ANKS1A: variants seen among roughly 807,000 people sequenced by gnomAD.
The protein encoded by ANKS1A is ankyrin repeat and sterile alpha motif domain containing 1A, also known as ankyrin repeat and SAM domain-containing protein 1A.
ANKS1A carries 55 observed loss-of-function variants against 120.3 expected under a neutral mutation model. The observed-to-expected ratio is 0.46, with a 90% CI of 0.37 to 0.57. The LOEUF (loss-of-function observed/expected upper bound fraction) is 0.57. ANKS1A is among the 20% of genes least tolerant of loss of function. The pLI, the probability that ANKS1A is intolerant of heterozygous loss-of-function variation, is 0.00. For synonymous variants in ANKS1A, 590 were observed against 604.7 expected (o/e 0.98, Z 0.36); for missense variants, 1,123 against 1,480.3 (o/e 0.76, Z 3.96).
intron 11 of ANKS1A, among the ~76,000 whole-genome samples, chr6:35,030,100 G>A (rs906347567): frequency 1.3e-5 from 2 of 152,220 alleles, no homozygotes; most frequent in African/African-American, 4.8e-5. Context: ...GAAACCAGTT[G>A]GAACTACATC....
intron 17 of ANKS1A, among the ~76,000 whole-genome samples, chr6:35,081,537 C>T (rs926852554): frequency 6.6e-6 from 1 of 152,160 alleles, no homozygotes; most frequent in Non-Finnish European, 1.5e-5. Flanking sequence ...CCTTCTTGGC[C>T]CCTTCCTTCT....
At chr6:34,950,243 T>C (rs1295376359) in intron 1 of ANKS1A, among the ~76,000 whole-genome samples, 6 of 148,678 alleles carry the variant, frequency 4.0e-5, no homozygotes, top group African/African-American at 1.2e-4. Flanking sequence ...TTTTTTTTTT[T>C]TGGGACGGAG....
At chr6:35,006,297 T>G (rs1183181997) in intron 10 of ANKS1A, among the ~76,000 whole-genome samples, 1 of 151,844 alleles carries the variant, frequency 6.6e-6, no homozygotes, top group Non-Finnish European at 1.5e-5. Flanking sequence ...AGGCGCCTCT[T>G]TTTTGAGGCT....
At chr6:35,092,105 G>A (rs982476958), downstream of ANKS1A, among the ~76,000 whole-genome samples, 1 of 152,104 alleles carries the variant, frequency 6.6e-6, no homozygotes, top group Non-Finnish European at 1.5e-5. Flanking sequence ...ACTCCTTTCC[G>A]GACAGGTGTT....
intron 1 of ANKS1A, among the ~76,000 whole-genome samples, chr6:34,912,768 T>G (rs1767967602): frequency 6.6e-6 from 1 of 152,152 alleles, no homozygotes; most frequent in East Asian, 1.9e-4. Flanking sequence ...AATGATACAT[T>G]TTGGATGGAT....
rs1464632075 is a variant in ANKS1A at position 35,085,626 on chromosome 6, A to G, written c.3133-140A>G. Reference sequence around the variant, plus strand: ...GAGACCTAGGAAGAGTAAAGGAGGGAAAGGAGGGAAGAGTGGAAGGAGGTA... The same window carrying G: ...GAGACCTAGGAAGAGTAAAGGAGGGGAAGGAGGGAAGAGTGGAAGGAGGTA... On this transcript the variant is annotated intron_variant, in intron 21 of 23. Transcript: ENST00000360359. The surrounding 1 kb of genome is among the most constrained non-coding windows in gnomAD (Gnocchi z 4.7). 2.6e-6 allele frequency: 2 copies of G among 764,572 alleles called. No individual in the cohort carries two copies. Among genetic ancestry groups the G allele is most frequent in the East Asian group, 3.0e-5 (1 of 33,880 alleles). 47.4% of individuals were successfully genotyped at this position (764,572 alleles called of 1,614,324 possible). A position where few individuals can be genotyped will look rare whatever the true frequency, so the allele number is the denominator to read the frequency against.
rs979514262 is a variant in ANKS1A at position 35,060,648 on chromosome 6, C to A, written c.2184+395C>A. 2.0e-5 allele frequency among the ~76,000 whole-genome samples: 3 copies of A among 152,150 alleles called. No individual in the cohort carries two copies. The highest frequency in any genetic ancestry group is 7.2e-5 in the African/African-American group (3 of 41,426). On this transcript the variant is annotated intron_variant, in intron 13 of 23. Coordinates refer to ENST00000360359, the MANE Select transcript of ANKS1A (RefSeq NM_015245.3). This position sits in a 1 kb window ranked among gnomAD's most constrained non-coding sequence, Gnocchi z 4.5. ...GAGCCTTGCCTCCAGCAGAAAGACC[C>A]CTTCCCTGCCCAGCCAAGGCCCAGT...
At position 35,017,506 on chromosome 6, in the gene ANKS1A, A is replaced by C; in HGVS notation, c.1457A>C (p.Asp486Ala). ...CGGAGCAGCAGCAGCCGGAGCCAGG[A>C]CTCTGCGGAGGGGCAGGACGGGCAG... Reference protein sequence around the residue: ...HRRSSSSRSQDSAEGQDGQVP... With the variant: ...HRRSSSSRSQASAEGQDGQVP... Residue 486 changes from aspartate to alanine, a missense_variant, in exon 11 of 24, where the codon GAC becomes GCC. Around this residue, in one of 3 missense-constraint regions of ANKS1A, gnomAD observed 904 missense variants for 1,130.4 expected, o/e 0.80. Coordinates refer to ENST00000360359, the MANE Select transcript of ANKS1A (RefSeq NM_015245.3). 6.2e-7 allele frequency: 1 copy of C among 1,613,194 alleles called. No homozygotes were observed. The highest frequency in any genetic ancestry group is 1.7e-4 in the Middle Eastern group (1 of 6,060).
In ANKS1A at chr6:35,082,728, C is replaced by G; in HGVS notation, c.2747C>G (p.Pro916Arg). The G allele has an allele frequency of 6.2e-7, 1 of 1,612,906 alleles. No individual in the cohort carries two copies. Among genetic ancestry groups the G allele is most frequent in the Non-Finnish European group, 8.5e-7 (1 of 1,179,482 alleles). ...GAGGCCAAGCTGACCCTGCGGCCCC[C>G]GAGCCTGGCAGCCCCCTACGCCCCA... ...HREAKLTLRP[P>R]SLAAPYAPVQ... Residue 916 changes from proline (P) to arginine (R), a missense_variant, in exon 18 of 24, where the codon CCG (proline) becomes CGG (arginine). By Grantham distance (103) the Pro-to-Arg change is moderately radical. Coordinates refer to ENST00000360359, the MANE Select transcript of ANKS1A (RefSeq NM_015245.3). The surrounding 1 kb of genome is among the most constrained non-coding windows in gnomAD (Gnocchi z 4.1).
At chr6:34,937,426 T>G (rs1769312937) in intron 1 of ANKS1A, among the ~76,000 whole-genome samples, 2 of 152,252 alleles carry the variant, frequency 1.3e-5, no homozygotes, top group African/African-American at 4.8e-5. Context: ...TTTCCTCATC[T>G]GGTAAATGGA....
intron 9 of ANKS1A, among the ~76,000 whole-genome samples, chr6:34,990,684 T>A (rs1533937): frequency 1.3e-5 from 2 of 152,254 alleles, no homozygotes; most frequent in South Asian, 4.1e-4. Context: ...TCTAAAGCAT[T>A]CAATGTGGCA....
intron 1 of ANKS1A, among the ~76,000 whole-genome samples, chr6:34,934,453 C>A (rs1167418097): frequency 1.3e-5 from 2 of 152,146 alleles, no homozygotes; most frequent in Non-Finnish European, 2.9e-5. Context: ...CAGCCACCCC[C>A]AGGTACTTTA....
intron 8 of ANKS1A, among the ~76,000 whole-genome samples, chr6:34,986,286 C>T (rs908869456): frequency 6.6e-6 from 1 of 152,182 alleles, no homozygotes; most frequent in Admixed American, 6.5e-5. Flanking sequence ...GCTTTTACTT[C>T]TAGCCTTGTA....
chr6:34,938,983 A>G (rs1313875849), intron 1 of ANKS1A, among the ~76,000 whole-genome samples: 1 of 152,224 alleles, frequency 6.6e-6, no homozygotes, highest in East Asian at 1.9e-4. Context: ...GCGAGACTCC[A>G]TCTTGGAAAA....
At chr6:34,902,690 C>T (rs1353317385) in intron 1 of ANKS1A, among the ~76,000 whole-genome samples, 4 of 151,666 alleles carry the variant, frequency 2.6e-5, no homozygotes, top group South Asian at 2.1e-4. Context: ...GTAGTCCCAG[C>T]TACTCGGGAG....
chr6:34,940,822 C>T (rs1284650752), intron 1 of ANKS1A, among the ~76,000 whole-genome samples: 5 of 151,178 alleles, frequency 3.3e-5, no homozygotes, highest in Non-Finnish European at 4.4e-5. Context: ...GCGGGAGAAT[C>T]GCTTGAACTC....
chr6:35,034,985 T>C (rs532269623), intron 11 of ANKS1A, among the ~76,000 whole-genome samples: 2 of 152,364 alleles, frequency 1.3e-5, no homozygotes, highest in South Asian at 4.1e-4. Flanking sequence ...GGCGATAGCC[T>C]GTGGGACTCA....
rs762076993 is a variant in ANKS1A at position 34,985,109 on chromosome 6, T to C, written c.1040T>C (p.Leu347Pro). 1 of 1,614,068 alleles carries C rather than the reference T, an allele frequency of 6.2e-7. No homozygotes were observed. The highest frequency in any genetic ancestry group is 8.5e-7 in the Non-Finnish European group (1 of 1,179,962). The change falls in exon 8 of 24, where the codon CTG becomes CCG. Residue 347 changes from leucine (L) to proline (P), a missense_variant. Physicochemically the swap from Leu to Pro is moderately conservative, Grantham distance 98. Coordinates refer to ENST00000360359, the MANE Select transcript of ANKS1A (RefSeq NM_015245.3). Reference sequence around the variant, plus strand: ...GACGTGGAGAAAGCAGTGACTGAACTGATTATAGATTTTGATGCAAATGCT... The same window carrying C: ...GACGTGGAGAAAGCAGTGACTGAACCGATTATAGATTTTGATGCAAATGCT... ...QGDVEKAVTE[L>P]IIDFDANAEE...
At chr6:34,896,275 G>A (rs1767079246) in intron 1 of ANKS1A, among the ~76,000 whole-genome samples, 1 of 151,910 alleles carries the variant, frequency 6.6e-6, no homozygotes, top group African/African-American at 2.4e-5. Context: ...TCACTATGTT[G>A]GCCAGGCTAG....
Sources: gnomAD v4.1 joint callset for allele counts (sites outside exome capture counted in the v4.1 genomes callset) on GRCh38, gnomAD v4.1.1 for gene constraint, gnomAD v4.1.1 regional missense constraint, Gnocchi (gnomAD v3.1) non-coding constraint, MANE v1.5 for transcripts, NCBI Gene and HGNC (gene_info 2026-07-23, HGNC 2026-07-21) for gene names.